Variants in DOK6 observed in about 807,000 individuals in gnomAD.
DOK6 encodes docking protein 6, also known as downstream of tyrosine kinase 6.
DOK6 carries 22 observed loss-of-function variants against 44.0 expected under a neutral mutation model. The observed-to-expected ratio is 0.50, with a 90% CI of 0.36 to 0.71. The LOEUF (loss-of-function observed/expected upper bound fraction) is 0.71, where lower values mean the gene tolerates loss of function less well. Among genes scored for constraint, DOK6 ranks in the 30% least tolerant of loss-of-function variants. The probability of loss-of-function intolerance (pLI) is 0.00; values close to 1 mark genes in which losing one functional copy is unlikely to be tolerated. For missense variants in DOK6, 340 were observed against 416.4 expected (o/e 0.82, Z 1.60); for synonymous variants, 166 against 145.5 (o/e 1.14, Z -1.01).
At chr18:69,669,488 A>T (rs1344194053) in intron 3 of DOK6, among the ~76,000 whole-genome samples, 1 of 152,202 alleles carries the variant, frequency 6.6e-6, no homozygotes, top group Non-Finnish European at 1.5e-5. Flanking sequence ...CAACTGGAAG[A>T]CTTGCTCCTC....
intron 3 of DOK6, among the ~76,000 whole-genome samples, chr18:69,668,075 G>A (rs1568327842): frequency 6.6e-6 from 1 of 151,930 alleles, no homozygotes; most frequent in Non-Finnish European, 1.5e-5. Flanking sequence ...CAGTTGTAAA[G>A]GCTCAAACTT....
In DOK6 at chr18:69,634,231, A is replaced by G. The variant is rs150500119; in HGVS notation, c.289+34733A>G. 2.3e-3 allele frequency among the ~76,000 whole-genome samples: 344 copies of G among 152,288 alleles called. 2 individuals carry two copies. Among genetic ancestry groups the G allele is most frequent in the African/African-American group, 7.9e-3 (330 of 41,570 alleles). Reference sequence around the variant, plus strand: ...AGTTAGATACCTAGGATTATCTCTCAGTGTGGAAATAATAATACCTCTTCA... The same window carrying G: ...AGTTAGATACCTAGGATTATCTCTCGGTGTGGAAATAATAATACCTCTTCA... On this transcript the variant is annotated intron_variant, in intron 3 of 7. Transcript: ENST00000382713.
intron 1 of DOK6, among the ~76,000 whole-genome samples, chr18:69,456,977 C>T (rs1979649486): frequency 6.6e-6 from 1 of 152,040 alleles, no homozygotes; most frequent in Admixed American, 6.6e-5. Context: ...TGTCCTTTGC[C>T]CATTTTTAAT....
rs189272581 is a variant in DOK6, at chr18:69,672,264, A to G, written c.290-5470A>G. On this transcript the variant is annotated intron_variant, in intron 3 of 7. Coordinates refer to ENST00000382713, the MANE Select transcript of DOK6 (RefSeq NM_152721.6). ...GGTCAACTCTACAAATCTGACTTCA[A>G]CAGAAAAAGCTTGTTCCTGTAGGCT... is the stretch of plus-strand genomic sequence containing the variant. 3.3e-5 allele frequency among the ~76,000 whole-genome samples: 5 copies of G among 152,324 alleles called. No individual in the cohort carries two copies. In the East Asian group the frequency reaches 9.6e-4, roughly 29 times the overall value.
At chr18:69,784,460 C>T (rs1261995901) in intron 7 of DOK6, among the ~76,000 whole-genome samples, 1 of 150,952 alleles carries the variant, frequency 6.6e-6, no homozygotes, top group African/African-American at 2.4e-5. Context: ...CAAAAGAGCA[C>T]ACTTTATTTT....
chr18:69,569,378 AT>A (rs1416336994), intron 2 of DOK6, among the ~76,000 whole-genome samples: 5 of 152,354 alleles, frequency 3.3e-5, no homozygotes, highest in African/African-American at 1.2e-4. Flanking sequence ...CAGGTGTAGC[AT>A]TTGGCAATTC....
chr18:69,712,675 C>T lies in DOK6; in HGVS notation c.599+14082C>T, dbSNP rs530845369. ...GCCTGGCCAACATGGCGAAACCCCC[C>T]ATCTCTACTAAAAATACATAAGTTA... On this transcript the variant is annotated intron_variant, in intron 5 of 7. Transcript: ENST00000382713. 2.0e-5 allele frequency among the ~76,000 whole-genome samples: 3 copies of T among 152,210 alleles called. No homozygotes were observed. The East Asian group carries it at 5.8e-4, about 30-fold the overall frequency.
At chr18:69,710,589 C>A (rs1019465007) in intron 5 of DOK6, among the ~76,000 whole-genome samples, 2 of 152,314 alleles carry the variant, frequency 1.3e-5, no homozygotes, top group African/African-American at 4.8e-5. Context: ...AACATATTAT[C>A]TTTTGACCCG....
At chr18:69,832,613 G>A (rs907255230) in intron 7 of DOK6, 2 of 151,908 alleles carry the variant, frequency 1.3e-5, no homozygotes, top group African/African-American at 4.8e-5. Context: ...ATTACTGATA[G>A]GCAAAGGTTG....
intron 3 of DOK6, among the ~76,000 whole-genome samples, chr18:69,665,487 T>C (rs1473054561): frequency 6.6e-6 from 1 of 152,220 alleles, no homozygotes; most frequent in Non-Finnish European, 1.5e-5. Flanking sequence ...AATTTTGCAC[T>C]CTGGGAGGGG....
chr18:69,710,263 TAAA>T (rs1169874127), intron 5 of DOK6, among the ~76,000 whole-genome samples: 1 of 152,178 alleles, frequency 6.6e-6, no homozygotes, highest in Non-Finnish European at 1.5e-5. Flanking sequence ...TAACAAAACT[TAAA>T]GGGGAAAAAA....
rs191854343 is a variant in DOK6 at position 69,567,853 on chromosome 18, G to A, written c.174+3259G>A. Among the ~76,000 whole-genome samples the A allele has an allele frequency of 5.9e-5, 9 of 152,310 alleles. No homozygotes were observed. In the East Asian group the frequency reaches 1.7e-3, roughly 29 times the overall value. The stretch of plus-strand genomic sequence containing the variant: ...ACTCAGCAGCTCTCTCACACTGTCT[G>A]TCTCATCAGCAGCTTACTTACATTG... On this transcript the variant is annotated intron_variant, in intron 2 of 7. Coordinates refer to ENST00000382713, the MANE Select transcript of DOK6 (RefSeq NM_152721.6).
chr18:69,728,132 G>GCT (rs1217803815), intron 5 of DOK6, among the ~76,000 whole-genome samples: 2 of 152,178 alleles, frequency 1.3e-5, no homozygotes, highest in African/African-American at 2.4e-5. Flanking sequence ...CTCACACCCT[G>GCT]CTCTTTGACT....
chr18:69,599,488 C>T lies in DOK6; in HGVS notation c.279C>T (p.Ala93=). The T allele has an allele frequency of 6.2e-7, 1 of 1,613,590 alleles. No individual in the cohort carries two copies. The highest frequency in any genetic ancestry group is 1.1e-5 in the South Asian group (1 of 91,048). ...ACGATGAAACATCGAAGACATTTGC[C>T]TGTGAGTCAGGTAAGCTATTATTGG... ...IFHDETSKTF[A]CESELEAEEW... is the part of the protein sequence containing the mutation. The change falls in exon 3 of 8, where the codon GCC becomes GCT. Residue 93 remains alanine (A), a synonymous_variant. Coordinates refer to ENST00000382713, the MANE Select transcript of DOK6 (RefSeq NM_152721.6).
At chr18:69,619,604 C>G (rs1320876186) in intron 3 of DOK6, among the ~76,000 whole-genome samples, 1 of 152,188 alleles carries the variant, frequency 6.6e-6, no homozygotes, top group South Asian at 2.1e-4. Flanking sequence ...AGAAAACAGA[C>G]AAATTCGTGG....
chr18:69,622,734 T>G (rs1250767860), intron 3 of DOK6, among the ~76,000 whole-genome samples: 1 of 152,192 alleles, frequency 6.6e-6, no homozygotes, highest in Admixed American at 6.5e-5. Flanking sequence ...TTCAGAGTTC[T>G]GAACAACTGG....
chr18:69,746,156 G>A (rs1485342409), intron 6 of DOK6, among the ~76,000 whole-genome samples: 3 of 152,138 alleles, frequency 2.0e-5, no homozygotes, highest in Admixed American at 6.5e-5. Flanking sequence ...GATTGCAGAC[G>A]GAAATGATGT....
intron 5 of DOK6, among the ~76,000 whole-genome samples, chr18:69,721,984 A>T (rs2144724322): frequency 6.6e-6 from 1 of 152,348 alleles, no homozygotes; most frequent in Admixed American, 6.5e-5. Context: ...TAGACTGCAA[A>T]GTGTCACTTC....
intron 1 of DOK6, among the ~76,000 whole-genome samples, chr18:69,534,929 T>C (rs999633888): frequency 3.9e-5 from 6 of 152,134 alleles, no homozygotes; most frequent in African/African-American, 1.4e-4. Context: ...TTCTGCTTTC[T>C]GGCTGTGATA....
Sources: gnomAD v4.1 joint callset for allele counts (sites outside exome capture counted in the v4.1 genomes callset) on GRCh38, gnomAD v4.1.1 for gene constraint, MANE v1.5 for transcripts, NCBI Gene and HGNC (gene_info 2026-07-23, HGNC 2026-07-21) for gene names.